MCTP1: variants seen among roughly 807,000 people sequenced by gnomAD.
The protein encoded by MCTP1 is multiple C2 and transmembrane domain containing 1.
A neutral mutation model predicts 120.6 loss-of-function variants in MCTP1; 69 were observed. That is an observed-to-expected ratio of 0.57 (90% confidence interval 0.47 to 0.70). The LOEUF is 0.70. Among genes scored for constraint, MCTP1 ranks in the 30% least tolerant of loss-of-function variants. The pLI, the probability that MCTP1 is intolerant of heterozygous loss-of-function variation, is 0.00. For synonymous variants in MCTP1, 529 were observed against 493.1 expected (o/e 1.07, Z -0.96); for missense variants, 1,203 against 1,248.8 (o/e 0.96, Z 0.55).
chr5:95,163,857 G>T lies in MCTP1; in HGVS notation c.720+119999C>A, dbSNP rs576276632. Among the ~76,000 whole-genome samples the T allele has an allele frequency of 2.6e-4, 40 of 152,238 alleles. 1 individual carries two copies. In the South Asian group the frequency reaches 7.7e-3, roughly 29 times the overall value. ...AAAAGAAAAAATTTAAATGATGGTT[G>T]AAAATCACATTTTCTTTTAAGTCTA... On this transcript the variant is annotated intron_variant, in intron 1 of 22. Transcript: ENST00000515393.
At chr5:94,808,625 T>TC (rs1359536005) in intron 17 of MCTP1, among the ~76,000 whole-genome samples, 1 of 152,146 alleles carries the variant, frequency 6.6e-6, no homozygotes, top group African/African-American at 2.4e-5. Flanking sequence ...TGTTGTGTTT[T>TC]GTTGTGTGTG....
rs146839468 is a variant in MCTP1 at position 95,034,821 on chromosome 5, T to A, written c.721-17337A>T. ...GGAGAAAATATTTGCAATTTATGCA[T>A]CCAACAAAAGACTAATATCCAGAAT... On this transcript the variant is annotated intron_variant, in intron 1 of 22. Coordinates refer to ENST00000515393, the MANE Select transcript of MCTP1 (RefSeq NM_024717.7). Among the ~76,000 whole-genome samples the A allele has an allele frequency of 9.0e-3, 1,361 of 152,046 alleles. 22 individuals are homozygous for A. The highest frequency in any genetic ancestry group is 0.032 in the African/African-American group (1,315 of 41,504).
intron 1 of MCTP1, among the ~76,000 whole-genome samples, chr5:95,099,815 C>G (rs1207176529): frequency 6.7e-6 from 1 of 149,206 alleles, no homozygotes; most frequent in Non-Finnish European, 1.5e-5. Flanking sequence ...TATAAAGACA[C>G]ATGCACACGT....
intron 19 of MCTP1, among the ~76,000 whole-genome samples, chr5:94,741,163 T>C (rs1029143104): frequency 1.3e-5 from 2 of 152,200 alleles, no homozygotes; most frequent in African/African-American, 4.8e-5. Flanking sequence ...CCTTTAGAAG[T>C]AAATTAGAGT....
At chr5:95,223,148 G>C (rs1753871693) in intron 1 of MCTP1, among the ~76,000 whole-genome samples, 1 of 152,120 alleles carries the variant, frequency 6.6e-6, no homozygotes, top group Non-Finnish European at 1.5e-5. Flanking sequence ...CACCCTCCAA[G>C]TTGACATATA....
intron 17 of MCTP1, among the ~76,000 whole-genome samples, chr5:94,828,993 A>C (rs115865768): frequency 0.013 from 1,753 of 134,284 alleles, 42 homozygotes; most frequent in African/African-American, 0.044. Context: ...GGGTATGAAA[A>C]AAACAAACAA....
At chr5:94,955,589 G>A (rs986344286) in intron 2 of MCTP1, among the ~76,000 whole-genome samples, 13 of 152,166 alleles carry the variant, frequency 8.5e-5, no homozygotes, top group East Asian at 1.9e-4. Flanking sequence ...GGAGAGGGGC[G>A]TCTGCCATTA....
At chr5:94,813,597 A>G (rs1327053072) in intron 17 of MCTP1, among the ~76,000 whole-genome samples, 2 of 152,312 alleles carry the variant, frequency 1.3e-5, no homozygotes, top group South Asian at 2.1e-4. Flanking sequence ...AAAATGTGCT[A>G]TATCCAAGGA....
In MCTP1 at chr5:94,759,795, T is replaced by C. The variant is rs140774585; in HGVS notation, c.2610+19315A>G. ...GTTATTTTCACATAAGTGTTTTATG[T>C]AAATTTTGTTTTCCTAAAGTCATTA... On this transcript the variant is annotated intron_variant, in intron 19 of 22. Transcript: ENST00000515393. Among the ~76,000 whole-genome samples the C allele has an allele frequency of 3.9e-4, 59 of 151,646 alleles. 1 individual carries two copies. The highest frequency in any genetic ancestry group is 3.4e-3 in the Middle Eastern group (1 of 292).
rs1379496671 is a variant in MCTP1, at chr5:94,710,833, T to C, written c.2815A>G (p.Ile939Val). 3.7e-6 allele frequency: 6 copies of C among 1,611,838 alleles called. No homozygotes were observed. The highest frequency in any genetic ancestry group is 2.2e-5 in the East Asian group (1 of 44,798). The change falls in exon 21 of 23, where the codon ATT becomes GTT. Residue 939 changes from isoleucine (I) to valine (V), a missense_variant. Physicochemically the swap from Ile to Val is conservative, Grantham distance 29 (BLOSUM62 3). This residue lies in a region of MCTP1 where 740 missense variants were observed against 871.1 expected (regional missense o/e 0.85). Coordinates refer to ENST00000515393, the MANE Select transcript of MCTP1 (RefSeq NM_024717.7). ...CTTTACTTACCCCAGACAAGGACAA[T>C]GTATCTCAGCGGAATGCAGTACAGG... ...AILYCIPLRY[I>V]VLVWGINKFT...
chr5:94,971,713 C>T (rs1010583291), intron 2 of MCTP1, among the ~76,000 whole-genome samples: 17 of 152,072 alleles, frequency 1.1e-4, no homozygotes, highest in South Asian at 2.1e-4. Context: ...GATGTGAGGT[C>T]GAAGGAGACT....
chr5:94,715,363 CAAAAAAAAAAAAA>C (rs35567390), intron 19 of MCTP1, among the ~76,000 whole-genome samples: 2 of 70,526 alleles, frequency 2.8e-5, no homozygotes, highest in South Asian at 6.5e-4. Context: ...ATGAAAACTA[CAAAAAAAAAAAAA>C]AAAAAAAAAA....
intron 5 of MCTP1, among the ~76,000 whole-genome samples, chr5:94,938,883 C>G (rs1816850466): frequency 6.6e-6 from 1 of 152,014 alleles, no homozygotes; most frequent in South Asian, 2.1e-4. Context: ...TTTCTAGATA[C>G]TTTTTTGTAA....
chr5:95,233,044 T>C (rs1274290943), intron 1 of MCTP1, among the ~76,000 whole-genome samples: 4 of 152,174 alleles, frequency 2.6e-5, no homozygotes, highest in African/African-American at 9.6e-5. Flanking sequence ...TTTCCAATAA[T>C]TGGTAGAATA....
intron 2 of MCTP1, among the ~76,000 whole-genome samples, chr5:94,978,203 C>T (rs1828542103): frequency 6.6e-6 from 1 of 151,912 alleles, no homozygotes; most frequent in African/African-American, 2.4e-5. Flanking sequence ...ACTATCAACA[C>T]GTGTTGGTGA....
chr5:95,214,017 A>C (rs1752727950), intron 1 of MCTP1, among the ~76,000 whole-genome samples: 1 of 152,364 alleles, frequency 6.6e-6, no homozygotes, highest in African/African-American at 2.4e-5. Context: ...GACAAATGGG[A>C]TCTAATTAAA....
chr5:95,136,370 A>G (rs898440296), intron 1 of MCTP1, among the ~76,000 whole-genome samples: 2 of 152,226 alleles, frequency 1.3e-5, no homozygotes, highest in African/African-American at 4.8e-5. Flanking sequence ...TCATTCAGGA[A>G]GGGTTCAGGC....
Position 95,016,854 on chromosome 5 carries a change from C to T in MCTP1, c.838+513G>A, listed in dbSNP as rs374982825. 7.2e-5 allele frequency among the ~76,000 whole-genome samples: 11 copies of T among 152,154 alleles called. No homozygotes were observed. In the East Asian group the frequency reaches 1.4e-3, roughly 19 times the overall value. ...AGAGTATTTGCCTTATCTTATCCTT[C>T]GTCATGCCCTACAAAATGTGTTTAA... On this transcript the variant is annotated intron_variant, in intron 2 of 22. Coordinates refer to ENST00000515393, the MANE Select transcript of MCTP1 (RefSeq NM_024717.7).
At chr5:94,920,555 A>C (rs920587455) in intron 7 of MCTP1, among the ~76,000 whole-genome samples, 4 of 151,914 alleles carry the variant, frequency 2.6e-5, no homozygotes, top group Non-Finnish European at 4.4e-5. Flanking sequence ...ATCCTGGCTA[A>C]CACATGAAAC....
Sources: gnomAD v4.1 joint callset for allele counts (sites outside exome capture counted in the v4.1 genomes callset) on GRCh38, gnomAD v4.1.1 for gene constraint, gnomAD v4.1.1 regional missense constraint, MANE v1.5 for transcripts, NCBI Gene and HGNC (gene_info 2026-07-23, HGNC 2026-07-21) for gene names.